Variants in MED27 observed in about 807,000 individuals in gnomAD.
MED27 encodes mediator complex subunit 27, also known as mediator of RNA polymerase II transcription subunit 27.
In MED27, 30 loss-of-function variants were observed where a neutral mutation model predicts 38.2. The observed-to-expected ratio is 0.79, with a 90% CI of 0.59 to 1.07. The LOEUF is 1.07. Ranked by LOEUF, MED27 falls within the 50% of genes least tolerant of loss-of-function variation. The pLI is 0.00. For missense variants in MED27, 289 were observed against 397.5 expected (o/e 0.73, Z 2.32); for synonymous variants, 122 against 153.5 (o/e 0.79, Z 1.52).
chr9:131,897,518 T>C (rs891072752), intron 4 of MED27, among the ~76,000 whole-genome samples: 1 of 152,194 alleles, frequency 6.6e-6, no homozygotes, highest in African/African-American at 2.4e-5. Context: ...GTATGAGATG[T>C]GGGTGTCATG....
At chr9:131,933,072 TA>T (rs1830618789) in intron 4 of MED27, among the ~76,000 whole-genome samples, 2 of 152,148 alleles carry the variant, frequency 1.3e-5, no homozygotes, top group African/African-American at 2.4e-5. Flanking sequence ...AACATCATTT[TA>T]TGATAAAAAC....
chr9:132,019,106 G>A (rs183910686), intron 2 of MED27, among the ~76,000 whole-genome samples: 69 of 152,196 alleles, frequency 4.5e-4, no homozygotes, highest in Middle Eastern at 6.8e-3. Flanking sequence ...ACAAAGCTCC[G>A]GTCTGTACTG....
chr9:131,976,225 A>G (rs1831605930), intron 3 of MED27, among the ~76,000 whole-genome samples: 1 of 152,176 alleles, frequency 6.6e-6, no homozygotes, highest in Non-Finnish European at 1.5e-5. Context: ...AATGGCGGTG[A>G]ACTAAAGTCA....
rs1468765424 is a variant in MED27, at chr9:131,917,289, C to T, written c.573+22092G>A. Among the ~76,000 whole-genome samples, 1 of 151,926 alleles carries T rather than the reference C, an allele frequency of 6.6e-6. No individual in the cohort carries two copies. Among genetic ancestry groups the T allele is most frequent in the South Asian group, 2.1e-4 (1 of 4,802 alleles). ...GAAACATTAGAGAATACTGAGGATA[C>T]CCAGGGAAGGGAGGAGAGAGGGAAG... On this transcript the variant is annotated intron_variant, in intron 4 of 7. Coordinates refer to ENST00000292035, the MANE Select transcript of MED27 (RefSeq NM_004269.4). The surrounding 1 kb of genome is among the most constrained non-coding windows in gnomAD (Gnocchi z 4.6).
At chr9:132,000,275 C>T (rs552237384) in intron 3 of MED27, among the ~76,000 whole-genome samples, 6 of 152,036 alleles carry the variant, frequency 3.9e-5, no homozygotes, top group East Asian at 1.9e-4. Context: ...TTACTCATTA[C>T]GGAAATTCAT....
chr9:131,974,457 C>T (rs1235562892), intron 3 of MED27, among the ~76,000 whole-genome samples: 4 of 152,250 alleles, frequency 2.6e-5, no homozygotes, highest in East Asian at 3.9e-4. Context: ...TTTTAATGAT[C>T]CCAGGACACT....
At chr9:132,045,413 TACACACAC>T (rs61360267) in intron 2 of MED27, among the ~76,000 whole-genome samples, 4,366 of 144,334 alleles carry the variant, frequency 0.03, 147 homozygotes, top group East Asian at 0.091. Context: ...AAGAGGAAAT[TACACACAC>T]ACACACACAC....
chr9:131,919,541 A>G (rs12345754), intron 4 of MED27, among the ~76,000 whole-genome samples: 12,615 of 152,072 alleles, frequency 0.083, 1,220 homozygotes, highest in African/African-American at 0.24. Context: ...GTACTGTAGC[A>G]CTGTGGGCTT....
chr9:132,021,270 C>T (rs1832711664), intron 2 of MED27, among the ~76,000 whole-genome samples: 1 of 152,234 alleles, frequency 6.6e-6, no homozygotes, highest in Non-Finnish European at 1.5e-5. Context: ...TTCTCCACAA[C>T]TGCTCCTGTT....
intron 3 of MED27, among the ~76,000 whole-genome samples, chr9:132,010,181 G>C (rs1416695713): frequency 6.6e-6 from 1 of 152,190 alleles, no homozygotes; most frequent in African/African-American, 2.4e-5. Flanking sequence ...TTTTCTTCTA[G>C]GGTTTTTATG....
chr9:132,039,961 A>G (rs948802918), intron 2 of MED27, among the ~76,000 whole-genome samples: 1 of 152,210 alleles, frequency 6.6e-6, no homozygotes, highest in Non-Finnish European at 1.5e-5. Context: ...GTCTTGTTTC[A>G]TAAGACCATA....
In MED27 at chr9:132,077,435, C is replaced by T; in HGVS notation, c.348+7G>A. 6.2e-7 allele frequency: 1 copy of T among 1,613,376 alleles called. No individual in the cohort carries two copies. The highest frequency in any genetic ancestry group is 8.5e-7 in the Non-Finnish European group (1 of 1,179,788). ...TATATTAGCTCCGTTTATTACATCT[C>T]CCTTACCTTGTTTGACCACTTATAT... is the stretch of plus-strand genomic sequence containing the variant. On this transcript the variant is annotated splice_region_variant and intron_variant, in intron 2 of 7. Transcript: ENST00000292035.
chr9:131,956,234 G>GT, intron 3 of MED27, among the ~76,000 whole-genome samples: 1 of 152,358 alleles, frequency 6.6e-6, no homozygotes, highest in Middle Eastern at 3.4e-3. Context: ...CATAGAGACA[G>GT]AAAGTAGAAT....
intron 3 of MED27, among the ~76,000 whole-genome samples, chr9:132,008,634 C>G (rs1310244546): frequency 1.3e-5 from 2 of 152,200 alleles, no homozygotes; most frequent in African/African-American, 4.8e-5. Flanking sequence ...CAGAGACTAC[C>G]GTTAGAGCCC....
In MED27 at chr9:131,873,447, G is replaced by A. The variant is rs79589834; in HGVS notation, c.724-10307C>T. Among the ~76,000 whole-genome samples the A allele has an allele frequency of 1.2e-4, 19 of 152,316 alleles. No individual in the cohort carries two copies. In the East Asian group the frequency reaches 2.5e-3, roughly 20 times the overall value. ...AATGGGGATGAAAGTACAGTAGAGC[G>A]GAAGCAGGGGATTTATTTTTTATTA... On this transcript the variant is annotated intron_variant, in intron 6 of 7. Transcript: ENST00000292035.
chr9:131,910,871 G>A (rs1030675632), intron 4 of MED27, among the ~76,000 whole-genome samples: 3 of 152,050 alleles, frequency 2.0e-5, no homozygotes, highest in South Asian at 2.1e-4. Flanking sequence ...TCCTTCGTTC[G>A]AAAATAATAC....
Position 131,883,640 on chromosome 9 carries a change from G to GT in MED27, c.723+417dup, listed in dbSNP as rs946196395. On this transcript the variant is annotated intron_variant, in intron 6 of 7. Coordinates refer to ENST00000292035, the MANE Select transcript of MED27 (RefSeq NM_004269.4). This position sits in a 1 kb window ranked among gnomAD's most constrained non-coding sequence, Gnocchi z 4.2. ...CTGAGAAACCGAGTTTTAAAACTAG[G>GT]TTTTCAGAATACAGTTTTTGGAACA... Among the ~76,000 whole-genome samples the GT allele has an allele frequency of 1.3e-5, 2 of 152,158 alleles. No homozygotes were observed. The highest frequency in any genetic ancestry group is 2.4e-5 in the African/African-American group (1 of 41,438).
intron 4 of MED27, among the ~76,000 whole-genome samples, chr9:131,901,134 T>G (rs1369242397): frequency 7.2e-4 from 92 of 128,476 alleles, no homozygotes; most frequent in African/African-American, 8.2e-4. Context: ...GAAGGAAGGG[T>G]GGAAAGGAGG....
chr9:131,965,650 G>T (rs1216836895), intron 3 of MED27, among the ~76,000 whole-genome samples: 1 of 152,152 alleles, frequency 6.6e-6, no homozygotes, highest in Non-Finnish European at 1.5e-5. Flanking sequence ...CACCACAGCA[G>T]AGCTGAGTGA....
Sources: allele counts gnomAD v4.1 joint callset (sites outside exome capture counted in the v4.1 genomes callset), GRCh38; gene constraint gnomAD v4.1.1; non-coding constraint Gnocchi (gnomAD v3.1); transcripts MANE v1.5; gene names NCBI Gene and HGNC (gene_info 2026-07-23, HGNC 2026-07-21).